Variants in RUNX2 observed in about 807,000 individuals in gnomAD.
RUNX2 encodes RUNX family transcription factor 2.
In RUNX2, 10 loss-of-function variants were observed where a neutral mutation model predicts 51.7. The ratio of observed to expected loss-of-function variants is 0.19; its 90% confidence interval spans 0.12 to 0.33. The LOEUF is 0.33. Among genes scored for constraint, RUNX2 ranks in the 10% least tolerant of loss-of-function variants. The probability of loss-of-function intolerance (pLI) is 1.00; values close to 1 mark genes in which losing one functional copy is unlikely to be tolerated. For missense variants in RUNX2, 562 were observed against 691.3 expected (o/e 0.81, Z 2.10); for synonymous variants, 276 against 273.6 (o/e 1.01, Z -0.09).
intron 2 of RUNX2, among the ~76,000 whole-genome samples, chr6:45,337,182 CTT>C (rs1788742942): frequency 6.6e-6 from 1 of 151,660 alleles, no homozygotes; most frequent in African/African-American, 2.4e-5. Context: ...ATGCCAATGA[CTT>C]ACAGAATTTT....
Position 45,405,921 on chromosome 6 carries a change from C to T in RUNX2, c.59-16672C>T, listed in dbSNP as rs552129215. Among the ~76,000 whole-genome samples the T allele has an allele frequency of 1.3e-4, 20 of 152,222 alleles. No homozygotes were observed. The South Asian group carries it at 3.9e-3, about 30-fold the overall frequency. ...ACATTTGATGAGATACCACCCTGTG[C>T]CTCTCACTTTCTTCATCTGAAAATA... On this transcript the variant is annotated intron_variant, in intron 2 of 8. Transcript: ENST00000647337.
At chr6:45,539,835 G>C (rs1003934025) in intron 7 of RUNX2, among the ~76,000 whole-genome samples, 4 of 152,182 alleles carry the variant, frequency 2.6e-5, no homozygotes, top group Admixed American at 1.3e-4. Context: ...CTCTTCATTT[G>C]CTTCCTCTTT....
chr6:45,488,104 A>G (rs538416506), intron 5 of RUNX2, among the ~76,000 whole-genome samples: 1 of 152,212 alleles, frequency 6.6e-6, no homozygotes, highest in Non-Finnish European at 1.5e-5. Flanking sequence ...AGCTGCCCAG[A>G]GAGAAATGCT....
At chr6:45,412,814 G>T (rs565539866) in intron 2 of RUNX2, among the ~76,000 whole-genome samples, 1 of 151,912 alleles carries the variant, frequency 6.6e-6, no homozygotes, top group African/African-American at 2.4e-5. Context: ...GCACAATCTC[G>T]GCTTACTGCA....
intron 5 of RUNX2, among the ~76,000 whole-genome samples, chr6:45,476,316 A>T (rs1467785142): frequency 2.0e-5 from 3 of 152,138 alleles, no homozygotes; most frequent in African/African-American, 4.8e-5. Flanking sequence ...ATACTGCCCC[A>T]TGAGATTCAA....
At chr6:45,367,758 T>G (rs772225222) in intron 2 of RUNX2, among the ~76,000 whole-genome samples, 2 of 152,224 alleles carry the variant, frequency 1.3e-5, no homozygotes, top group Non-Finnish European at 2.9e-5. Flanking sequence ...GAGACACTGC[T>G]GGAGCAATCT....
intron 2 of RUNX2, among the ~76,000 whole-genome samples, chr6:45,404,010 A>T (rs1582075993): frequency 6.6e-6 from 1 of 152,130 alleles, no homozygotes; most frequent in Non-Finnish European, 1.5e-5. Context: ...CTGTAATCCC[A>T]TCACTTTGGG....
intron 2 of RUNX2, among the ~76,000 whole-genome samples, chr6:45,391,595 A>G (rs1413580517): frequency 6.6e-6 from 1 of 152,210 alleles, no homozygotes; most frequent in Admixed American, 6.5e-5. Context: ...TAATTTATAA[A>G]GGAAAGAGGT....
intron 7 of RUNX2, among the ~76,000 whole-genome samples, chr6:45,516,208 A>C (rs1465651179): frequency 6.6e-6 from 1 of 152,216 alleles, no homozygotes; most frequent in Non-Finnish European, 1.5e-5. Context: ...TACAATCCTT[A>C]CTTTACTGCA....
At chr6:45,460,930 T>C (rs1387450918) in intron 5 of RUNX2, among the ~76,000 whole-genome samples, 7 of 152,200 alleles carry the variant, frequency 4.6e-5, no homozygotes, top group Non-Finnish European at 8.8e-5. Context: ...GCAACATAAA[T>C]GTAAAAGTCA....
intron 2 of RUNX2, among the ~76,000 whole-genome samples, chr6:45,396,977 T>A (rs533104327): frequency 4.1e-4 from 63 of 152,354 alleles, no homozygotes; most frequent in Admixed American, 3.2e-3. Context: ...AAAATGCTTA[T>A]ACATACTTTG....
At chr6:45,445,355 T>C (rs753492245) in intron 5 of RUNX2, among the ~76,000 whole-genome samples, 1 of 152,122 alleles carries the variant, frequency 6.6e-6, no homozygotes, top group Non-Finnish European at 1.5e-5. Flanking sequence ...ATTGGTCACA[T>C]GTGAAATAAG....
At chr6:45,437,614 T>C (rs115498876) in intron 4 of RUNX2, among the ~76,000 whole-genome samples, 240 of 152,330 alleles carry the variant, frequency 1.6e-3, no homozygotes, top group African/African-American at 5.5e-3. Flanking sequence ...GTGTTCCTGA[T>C]GTTGGAGAAA....
chr6:45,380,722 G>A (rs547734040), intron 2 of RUNX2, among the ~76,000 whole-genome samples: 1 of 152,238 alleles, frequency 6.6e-6, no homozygotes, highest in East Asian at 1.9e-4. Flanking sequence ...GATTACAGGC[G>A]TGTGCCACCA....
At chr6:45,439,117 A>G (rs1218520801) in intron 5 of RUNX2, among the ~76,000 whole-genome samples, 2 of 152,194 alleles carry the variant, frequency 1.3e-5, no homozygotes, top group Non-Finnish European at 2.9e-5. Context: ...CAGTGGGAGC[A>G]TATGGTGGGT....
chr6:45,422,286 C>T (rs1250563394), intron 2 of RUNX2: 1 of 368,748 alleles, frequency 2.7e-6, no homozygotes, highest in Non-Finnish European at 4.9e-6. Context: ...AACACACCCC[C>T]GCGCCCGTTC....
At chr6:45,410,700 C>G (rs1459512895) in intron 2 of RUNX2, among the ~76,000 whole-genome samples, 1 of 152,140 alleles carries the variant, frequency 6.6e-6, no homozygotes, top group South Asian at 2.1e-4. Context: ...AAGGAGCACA[C>G]AGTTCTGTGT....
At chr6:45,526,824 A>G (rs1801686593) in intron 7 of RUNX2, among the ~76,000 whole-genome samples, 1 of 152,172 alleles carries the variant, frequency 6.6e-6, no homozygotes, top group African/African-American at 2.4e-5. Flanking sequence ...TTTGTACCTC[A>G]ATTTCCGCAT....
chr6:45,380,410 T>A (rs1797209892), intron 2 of RUNX2, among the ~76,000 whole-genome samples: 1 of 152,190 alleles, frequency 6.6e-6, no homozygotes, highest in Admixed American at 6.5e-5. Flanking sequence ...TCCTCTGGCA[T>A]GTAATATTCA....
Sources: allele counts gnomAD v4.1 joint callset (sites outside exome capture counted in the v4.1 genomes callset), GRCh38; gene constraint gnomAD v4.1.1; transcripts MANE v1.5; gene names NCBI Gene and HGNC (gene_info 2026-07-23, HGNC 2026-07-21).